Variants in CALN1 observed in about 807,000 individuals in gnomAD.
The protein encoded by CALN1 is calneuron 1.
In CALN1, 17 loss-of-function variants were observed where a neutral mutation model predicts 30.6. The ratio of observed to expected loss-of-function variants is 0.56; its 90% CI spans 0.38 to 0.83. The LOEUF (loss-of-function observed/expected upper bound fraction) is 0.83. Ranked by LOEUF, CALN1 falls within the 40% of genes least tolerant of loss-of-function variation. The pLI is 0.00. For missense variants in CALN1, 291 were observed against 354.9 expected, an observed-to-expected ratio of 0.82 and a Z score of 1.45; for synonymous variants, 156 against 131.4, an observed-to-expected ratio of 1.19 and a Z score of -1.28.
chr7:72,048,036 TTCTTC>T (rs1183084772), intron 4 of CALN1, among the ~76,000 whole-genome samples: 1 of 134,892 alleles, frequency 7.4e-6, no homozygotes, highest in Non-Finnish European at 1.6e-5. Context: ...CTTCTTCTTC[TTCTTC>T]TTTTTTTTTT....
intron 5 of CALN1, among the ~76,000 whole-genome samples, chr7:71,876,981 C>G (rs1267216207): frequency 1.3e-5 from 2 of 152,040 alleles, no homozygotes; most frequent in Non-Finnish European, 2.9e-5. Flanking sequence ...AGATAACTTA[C>G]CTAAGCAATC....
chr7:72,392,050 T>C (rs1299695579), intron 2 of CALN1, among the ~76,000 whole-genome samples: 2 of 152,202 alleles, frequency 1.3e-5, no homozygotes, highest in Non-Finnish European at 2.9e-5. Flanking sequence ...TTCCATCTGT[T>C]TCTCTTGGAA....
chr7:72,199,995 G>A (rs1012834143), intron 3 of CALN1, among the ~76,000 whole-genome samples: 4 of 152,128 alleles, frequency 2.6e-5, no homozygotes, highest in Admixed American at 6.6e-5. Flanking sequence ...ATTCTCAAGC[G>A]ACCTCTACTA....
chr7:72,317,092 G>GAAAGAAAGAGAGAA (rs1562878871), intron 2 of CALN1, among the ~76,000 whole-genome samples: 1 of 124,626 alleles, frequency 8.0e-6, no homozygotes, highest in Non-Finnish European at 1.8e-5. Context: ...GAGAGAGAGA[G>GAAAGAAAGAGAGAA]AGGGAGGGAG....
intron 2 of CALN1, among the ~76,000 whole-genome samples, chr7:72,396,235 T>TAAAAAGAAAAAA (rs1805930700): frequency 1.9e-5 from 1 of 53,342 alleles, no homozygotes; most frequent in Non-Finnish European, 3.2e-5. Flanking sequence ...TTGTCTCTAC[T>TAAAAAGAAAAAA]AAAAAAAAAA....
intron 5 of CALN1, among the ~76,000 whole-genome samples, chr7:71,837,391 T>C (rs1337708124): frequency 6.6e-6 from 1 of 152,038 alleles, no homozygotes; most frequent in African/African-American, 2.4e-5. Flanking sequence ...AAAGAAAACA[T>C]TGTGCAAATA....
At chr7:72,214,881 A>T (rs1585183663) in intron 3 of CALN1, among the ~76,000 whole-genome samples, 1 of 151,868 alleles carries the variant, frequency 6.6e-6, no homozygotes, top group African/African-American at 2.4e-5. Flanking sequence ...CACACTCCTT[A>T]TGAGGATCTA....
At chr7:72,320,297 T>C (rs889347310) in intron 2 of CALN1, among the ~76,000 whole-genome samples, 1 of 152,072 alleles carries the variant, frequency 6.6e-6, no homozygotes, top group African/African-American at 2.4e-5. Flanking sequence ...AGCAATCCAG[T>C]ACCATTCAGG....
intron 5 of CALN1, among the ~76,000 whole-genome samples, chr7:71,970,475 A>C (rs578174899): frequency 2.6e-5 from 4 of 152,294 alleles, no homozygotes; most frequent in African/African-American, 4.8e-5. Context: ...TAGCAATGAA[A>C]AGGCTATACC....
At chr7:72,289,707 T>C (rs1224699436) in intron 2 of CALN1, among the ~76,000 whole-genome samples, 1 of 152,108 alleles carries the variant, frequency 6.6e-6, no homozygotes, top group Non-Finnish European at 1.5e-5. Context: ...TAGTAAAATG[T>C]AGCAAAATGA....
chr7:71,830,031 T>A (rs1789168072), intron 5 of CALN1, among the ~76,000 whole-genome samples: 2 of 88,088 alleles, frequency 2.3e-5, no homozygotes, highest in Admixed American at 1.4e-4. Flanking sequence ...ATGAGTAAGT[T>A]CCTTTTTTTT....
At chr7:72,121,097 T>A (rs1313860982) in intron 3 of CALN1, among the ~76,000 whole-genome samples, 1 of 146,978 alleles carries the variant, frequency 6.8e-6, no homozygotes, top group Non-Finnish European at 1.5e-5. Context: ...ATATGAATTA[T>A]ATATTATATA....
chr7:71,851,182 G>A (rs1360455088), intron 5 of CALN1, among the ~76,000 whole-genome samples: 1 of 150,430 alleles, frequency 6.6e-6, no homozygotes, highest in Non-Finnish European at 1.5e-5. Flanking sequence ...ACTCTAGCCT[G>A]GGCGACAGAG....
intron 4 of CALN1, among the ~76,000 whole-genome samples, chr7:72,069,613 G>A (rs1000329511): frequency 2.6e-5 from 4 of 152,062 alleles, no homozygotes; most frequent in African/African-American, 9.7e-5. Flanking sequence ...CCCTTGCAGA[G>A]GGATACAGGA....
intron 5 of CALN1, among the ~76,000 whole-genome samples, chr7:72,004,223 C>T (rs185140755): frequency 3.9e-4 from 60 of 152,260 alleles, no homozygotes; most frequent in African/African-American, 1.4e-3. Flanking sequence ...CCCAGAAATA[C>T]ACCCACATAA....
At chr7:72,416,849 T>TTGAGCTGGGGTGGGCTGGGC, upstream of CALN1, among the ~76,000 whole-genome samples, 1 of 150,612 alleles carries the variant, frequency 6.6e-6, no homozygotes, top group African/African-American at 2.5e-5. Context: ...CAGCCGAGGG[T>TTGAGCTGGGGTGGGCTGGGC]TGAGCTGGGG....
At chr7:71,791,203 A>G (rs532302697) in intron 6 of CALN1, among the ~76,000 whole-genome samples, 31 of 152,278 alleles carry the variant, frequency 2.0e-4, no homozygotes, top group African/African-American at 7.2e-4. Flanking sequence ...GTAGTATTCC[A>G]TGGTGTTTAT....
At chr7:72,316,984 A>G (rs1433702451) in intron 2 of CALN1, among the ~76,000 whole-genome samples, 4 of 122,294 alleles carry the variant, frequency 3.3e-5, no homozygotes, top group Admixed American at 1.6e-4. Flanking sequence ...AAAGGAAAGG[A>G]AAAAAAAAGG....
upstream of CALN1, among the ~76,000 whole-genome samples, chr7:72,413,675 A>T (rs1319358655): frequency 6.6e-6 from 1 of 152,024 alleles, no homozygotes; most frequent in East Asian, 1.9e-4. Context: ...ACACTCATAC[A>T]CATATACATT....
Sources: gnomAD v4.1 joint callset for allele counts (sites outside exome capture counted in the v4.1 genomes callset) on GRCh38, gnomAD v4.1.1 for gene constraint, MANE v1.5 for transcripts, NCBI Gene and HGNC (gene_info 2026-07-23, HGNC 2026-07-21) for gene names.